Variants in DCBLD1 observed in about 807,000 individuals in gnomAD.
DCBLD1 encodes the protein discoidin, CUB and LCCL domain-containing protein 1.
In DCBLD1, 57 loss-of-function variants were observed where a neutral mutation model predicts 71.5. The observed-to-expected ratio is 0.80, with a 90% confidence interval of 0.64 to 0.99. The LOEUF (loss-of-function observed/expected upper bound fraction) is 0.99, where lower values mean the gene tolerates loss of function less well. Ranked by LOEUF, DCBLD1 falls within the 50% of genes least tolerant of loss-of-function variation. The pLI, the probability that DCBLD1 is intolerant of heterozygous loss-of-function variation, is 0.00. For synonymous variants in DCBLD1, 380 were observed against 363.8 expected (o/e 1.04, Z -0.51); for missense variants, 891 against 923.5 (o/e 0.96, Z 0.46).
At chr6:117,521,682 C>T in intron 4 of DCBLD1, 106 bp downstream of exon 4, 1 of 947,820 alleles carries the variant, frequency 1.1e-6, no homozygotes, top group South Asian at 1.6e-5. Context: ...TTTTACCATT[C>T]ATGTTGTAAC....
At chr6:117,482,922 G>A in intron 1 of DCBLD1, 29 bp downstream of exon 1, 3 of 1,176,712 alleles carry the variant, frequency 2.5e-6, no homozygotes, top group South Asian at 3.2e-5. Context: ...GCTGGCGGCG[G>A]GACCCGAGGC....
chr6:117,544,654 G>A, intron 13 of DCBLD1, 77 bp downstream of exon 13: 1 of 1,498,750 alleles, frequency 6.7e-7, no homozygotes, highest in Non-Finnish European at 9.2e-7. Context: ...AGCATAAGGA[G>A]GCCAGTGGCC....
At chr6:117,544,735 T>C (rs936931210) in intron 13 of DCBLD1, among the ~76,000 whole-genome samples, 158 bp downstream of exon 13, 8 of 152,088 alleles carry the variant, frequency 5.3e-5, no homozygotes, top group Non-Finnish European at 1.0e-4. Context: ...AAGAAATTTA[T>C]TGTGTTCTGT....
At chr6:117,556,862 C>T (rs1779501387) in intron 14 of DCBLD1, among the ~76,000 whole-genome samples, 1 of 152,136 alleles carries the variant, frequency 6.6e-6, no homozygotes, top group South Asian at 2.1e-4. Flanking sequence ...GCTCCCTTTA[C>T]TCTGTAGCCT....
Position 117,525,434 on chromosome 6 carries a change from T to C in DCBLD1, c.585T>C (p.Asp195=). 6.8e-7 allele frequency: 1 copy of C among 1,481,196 alleles called. No homozygotes were observed. Among genetic ancestry groups the C allele is most frequent in the Non-Finnish European group, 9.0e-7 (1 of 1,113,232 alleles). 91.8% of individuals were successfully genotyped at this position (1,481,196 alleles called of 1,614,324 possible). Residue 195 remains aspartate, a splice_region_variant and synonymous_variant, in exon 5 of 15, where the codon GAT becomes GAC. Coordinates refer to ENST00000338728, the MANE Select transcript of DCBLD1 (RefSeq NM_001366458.2). ...GGAATATGGTAGATGGATATAGAGA[T>C]GTAAGTAATTGAGGGTAATGGCAGA... ...ISGNMVDGYR[D]TSLLCKAAIH... is the part of the protein sequence containing the mutation.
chr6:117,525,183 A>T, intron 4 of DCBLD1, among the ~76,000 whole-genome samples, 179 bp from the exon 5 acceptor site: 1 of 152,162 alleles, frequency 6.6e-6, no homozygotes, highest in East Asian at 1.9e-4. Context: ...ATTGTATAAA[A>T]GTTGCCTTCA....
chr6:117,550,883 A>G (rs999658640), downstream of DCBLD1, among the ~76,000 whole-genome samples: 15 of 152,186 alleles, frequency 9.9e-5, no homozygotes, highest in Non-Finnish European at 2.1e-4. Context: ...TCTTGAGTTG[A>G]AAGAGAATGC....
intron 11 of DCBLD1, among the ~76,000 whole-genome samples, chr6:117,542,339 CT>C (rs1206283905): frequency 6.6e-6 from 1 of 151,608 alleles, no homozygotes; most frequent in Non-Finnish European, 1.5e-5. Context: ...ACTTCTGTTA[CT>C]TATACACAAA....
At chr6:117,515,020 G>GGTTTT (rs1402023741) in intron 2 of DCBLD1, among the ~76,000 whole-genome samples, 1 of 136,996 alleles carries the variant, frequency 7.3e-6, no homozygotes. Context: ...CAGTTTGTGG[G>GGTTTT]TTTTTTTTTT....
At chr6:117,542,848 T>C (rs992606806) in intron 11 of DCBLD1, among the ~76,000 whole-genome samples, 11 of 152,184 alleles carry the variant, frequency 7.2e-5, no homozygotes, top group African/African-American at 2.6e-4. Flanking sequence ...GAGTTTAATA[T>C]GGGCCAAGCA....
At position 117,545,547 on chromosome 6, in the gene DCBLD1, A is replaced by G; in HGVS notation, c.1565A>G (p.Asn522Ser). ...GCTGAGTTTACCATCAGCTATGATAATGAGAAGGAGATGACACAAAAGTTA... is the reference window on the plus strand; with the variant it reads ...GCTGAGTTTACCATCAGCTATGATAGTGAGAAGGAGATGACACAAAAGTTA... Reference protein sequence around the residue: ...QSAEFTISYDNEKEMTQKLDL... With the variant: ...QSAEFTISYDSEKEMTQKLDL... The change falls in exon 14 of 15, where the codon AAT (asparagine) becomes AGT (serine). Residue 522 changes from asparagine to serine, a missense_variant. Transcript: ENST00000338728. 6.2e-7 allele frequency: 1 copy of G among 1,614,182 alleles called. No homozygotes were observed. Among genetic ancestry groups the G allele is most frequent in the South Asian group, 1.1e-5 (1 of 91,068 alleles).
downstream of DCBLD1, among the ~76,000 whole-genome samples, chr6:117,551,788 C>T (rs1237560442): frequency 2.0e-5 from 3 of 152,116 alleles, no homozygotes; most frequent in Non-Finnish European, 2.9e-5. Context: ...TTTAGTCCGC[C>T]GTCTTGCTGG....
Position 117,532,318 on chromosome 6 carries a change from G to T in DCBLD1, c.644G>T (p.Gly215Val), listed in dbSNP as rs1301257790. ...GGAATAATTGCTGATGAACTAGGTG[G>T]CCAGATCAGTGTGCTTCAGCGCAAA... ...HAGIIADELG[G>V]QISVLQRKGI... The change falls in exon 6 of 15, where the codon GGC (glycine) becomes GTC (valine). Residue 215 changes from glycine to valine, a missense_variant. Transcript: ENST00000338728. 6.2e-7 allele frequency: 1 copy of T among 1,613,862 alleles called. No individual in the cohort carries two copies. Among genetic ancestry groups the T allele is most frequent in the Non-Finnish European group, 8.5e-7 (1 of 1,179,940 alleles).
chr6:117,546,614 A>G (rs960982992), intron 14 of DCBLD1, among the ~76,000 whole-genome samples: 1 of 152,026 alleles, frequency 6.6e-6, no homozygotes, highest in African/African-American at 2.4e-5. Context: ...TTCAGCTTCT[A>G]ATTCAGTCTC....
At chr6:117,531,072 T>C (rs1387875920) in intron 5 of DCBLD1, among the ~76,000 whole-genome samples, 1 of 152,168 alleles carries the variant, frequency 6.6e-6, no homozygotes, top group Non-Finnish European at 1.5e-5. Context: ...ACTCTCTAAA[T>C]TGAATATCAC....
intron 5 of DCBLD1, among the ~76,000 whole-genome samples, chr6:117,529,269 G>A (rs954532042): frequency 8.2e-6 from 1 of 122,690 alleles, no homozygotes; most frequent in Non-Finnish European, 1.8e-5. Context: ...CTAATTTGCC[G>A]TTAAAGCAAG....
chr6:117,551,543 C>A (rs1339084541), downstream of DCBLD1, among the ~76,000 whole-genome samples: 2 of 152,196 alleles, frequency 1.3e-5, no homozygotes, highest in East Asian at 3.9e-4. Flanking sequence ...CGAGGCCCAG[C>A]TAATTTTTTG....
chr6:117,532,498 G>C, intron 6 of DCBLD1, 105 bp downstream of exon 6: 1 of 1,397,406 alleles, frequency 7.2e-7, no homozygotes, highest in Non-Finnish European at 9.4e-7. Context: ...TGATAGCAAG[G>C]GTTTGTCAAC....
chr6:117,499,802 G>A (rs1199898654), intron 1 of DCBLD1, among the ~76,000 whole-genome samples: 1 of 152,170 alleles, frequency 6.6e-6, no homozygotes, highest in African/African-American at 2.4e-5. Context: ...TGAGAGGTAG[G>A]CTACCTGAGT....
Sources: gnomAD v4.1 joint callset for allele counts (sites outside exome capture counted in the v4.1 genomes callset) on GRCh38, gnomAD v4.1.1 for gene constraint, MANE v1.5 for transcripts, NCBI Gene and HGNC (gene_info 2026-07-23, HGNC 2026-07-21) for gene names.